Variants in TMEM132B observed in about 807,000 individuals in gnomAD.
The protein encoded by TMEM132B is transmembrane protein 132B.
Under a neutral mutation model 90.8 loss-of-function variants are expected in TMEM132B, and 18 were observed. That is an observed-to-expected ratio of 0.20 (90% CI 0.14 to 0.29). The LOEUF (loss-of-function observed/expected upper bound fraction) is 0.29, where lower values mean the gene tolerates loss of function less well. TMEM132B is among the 10% of genes least tolerant of loss of function. TMEM132B has a pLI of 1.00. For synonymous variants in TMEM132B, 504 were observed against 523.3 expected (o/e 0.96, Z 0.50); for missense variants, 1,096 against 1,326.8 (o/e 0.83, Z 2.70).
intron 1 of TMEM132B, among the ~76,000 whole-genome samples, chr12:125,340,317 A>G (rs1877137725): frequency 6.6e-6 from 1 of 152,130 alleles, no homozygotes; most frequent in Admixed American, 6.5e-5. Flanking sequence ...AAATCTTTCT[A>G]TTGTCTGAAT....
At chr12:125,413,228 T>C (rs1202038326) in intron 2 of TMEM132B, among the ~76,000 whole-genome samples, 1 of 152,158 alleles carries the variant, frequency 6.6e-6, no homozygotes, top group Non-Finnish European at 1.5e-5. Flanking sequence ...CCTTGGGTCT[T>C]ATAGGTGTTT....
At position 125,432,472 on chromosome 12, in the gene TMEM132B, T is replaced by C. The variant is rs1427767281; in HGVS notation, c.1106+16795T>C. Among the ~76,000 whole-genome samples, 67 of 94,036 alleles carry C rather than the reference T, an allele frequency of 7.1e-4. 21 individuals are homozygous for C. Among genetic ancestry groups the C allele is most frequent in the South Asian group, 2.6e-3 (8 of 3,108 alleles). The allele number at this position is 94,036 out of a possible 152,430, so 61.7% of individuals were successfully genotyped here. Reference sequence around the variant, plus strand: ...ATATATATGTATGTGTATATATATGTATGTGTATATATATGTATGTGTATA... The same window carrying C: ...ATATATATGTATGTGTATATATATGCATGTGTATATATATGTATGTGTATA... On this transcript the variant is annotated intron_variant, in intron 3 of 8. Transcript: ENST00000682704.
chr12:125,361,321 A>G (rs998562058), intron 2 of TMEM132B, among the ~76,000 whole-genome samples: 3 of 152,224 alleles, frequency 2.0e-5, no homozygotes, highest in Admixed American at 2.0e-4. Context: ...CAAGGGTCAC[A>G]CAGCCAGAAA....
chr12:125,429,057 T>G (rs903252931), intron 3 of TMEM132B, among the ~76,000 whole-genome samples: 2 of 152,218 alleles, frequency 1.3e-5, no homozygotes, highest in Admixed American at 6.5e-5. Context: ...ATTTCTTGTA[T>G]TAGCTTCCCA....
intron 4 of TMEM132B, among the ~76,000 whole-genome samples, chr12:125,546,693 G>A (rs1401832345): frequency 6.6e-6 from 1 of 152,140 alleles, no homozygotes; most frequent in East Asian, 1.9e-4. Context: ...CTAGTTGAAG[G>A]ACATTTGGGT....
intron 2 of TMEM132B, among the ~76,000 whole-genome samples, chr12:125,381,760 G>T (rs867941438): frequency 6.6e-6 from 1 of 152,172 alleles, no homozygotes; most frequent in Non-Finnish European, 1.5e-5. Flanking sequence ...GTGTGTTCAC[G>T]TAAATCAGGG....
intron 4 of TMEM132B, among the ~76,000 whole-genome samples, chr12:125,579,993 A>C (rs1017408061): frequency 2.0e-5 from 3 of 151,974 alleles, no homozygotes; most frequent in Admixed American, 6.5e-5. Context: ...TAATTCTGTA[A>C]AGTCTATAAA....
At chr12:125,501,310 A>T (rs969317120) in intron 3 of TMEM132B, among the ~76,000 whole-genome samples, 3 of 152,248 alleles carry the variant, frequency 2.0e-5, no homozygotes, top group African/African-American at 7.2e-5. Flanking sequence ...TTTGGGAAAT[A>T]CTTATATTAA....
At chr12:125,597,979 T>C (rs1199890468) in intron 5 of TMEM132B, among the ~76,000 whole-genome samples, 1 of 152,144 alleles carries the variant, frequency 6.6e-6, no homozygotes, top group Non-Finnish European at 1.5e-5. Context: ...TAATGAATCC[T>C]AAGGATTCAG....
chr12:125,219,827 A>C (rs1191201054), intron 1 of TMEM132B, among the ~76,000 whole-genome samples: 1 of 152,200 alleles, frequency 6.6e-6, no homozygotes, highest in African/African-American at 2.4e-5. Flanking sequence ...GCACCCTAGG[A>C]TCTGTGTATC....
intron 3 of TMEM132B, among the ~76,000 whole-genome samples, chr12:125,453,607 A>C (rs897041987): frequency 6.6e-6 from 1 of 152,138 alleles, no homozygotes; most frequent in African/African-American, 2.4e-5. Flanking sequence ...ATCACTGAAA[A>C]CCTTCTTTAG....
chr12:125,359,037 A>G (rs4765249), intron 2 of TMEM132B, among the ~76,000 whole-genome samples: 9,741 of 152,282 alleles, frequency 0.064, 403 homozygotes, highest in Admixed American at 0.14. Flanking sequence ...ACTTGCCAGC[A>G]TAATTTCACA....
chr12:125,512,403 C>G, intron 3 of TMEM132B, among the ~76,000 whole-genome samples: 1 of 152,168 alleles, frequency 6.6e-6, no homozygotes, highest in East Asian at 1.9e-4. Context: ...AATGATTAAG[C>G]AAAGTATGGC....
intron 3 of TMEM132B, 64 bp from the exon 4 acceptor site, chr12:125,519,375 C>T: frequency 6.8e-7 from 1 of 1,469,790 alleles, no homozygotes; most frequent in South Asian, 1.3e-5. Context: ...CAATTTATTA[C>T]ATTCTTGACA....
intron 3 of TMEM132B, among the ~76,000 whole-genome samples, chr12:125,487,345 A>G (rs539358749): frequency 6.6e-6 from 1 of 152,150 alleles, no homozygotes; most frequent in Non-Finnish European, 1.5e-5. Flanking sequence ...GACCTCTACT[A>G]TTATAGCTCG....
chr12:125,343,087 CT>C (rs1419980474), intron 1 of TMEM132B, among the ~76,000 whole-genome samples: 1 of 152,112 alleles, frequency 6.6e-6, no homozygotes, highest in Non-Finnish European at 1.5e-5. Context: ...TAGGAGCAAA[CT>C]GGGAATTTAC....
chr12:125,199,686 A>C (rs1189342598), intron 1 of TMEM132B, among the ~76,000 whole-genome samples: 1 of 152,188 alleles, frequency 6.6e-6, no homozygotes, highest in Admixed American at 6.5e-5. Flanking sequence ...TGTTCCATGA[A>C]GTACTTATGG....
chr12:125,589,248 C>G (rs1392191617), intron 5 of TMEM132B, among the ~76,000 whole-genome samples: 2 of 151,914 alleles, frequency 1.3e-5, no homozygotes, highest in African/African-American at 4.8e-5. Context: ...TTTGGGAGGC[C>G]AAGGCGGGCA....
chr12:125,384,029 C>G lies in TMEM132B; in HGVS notation c.960-31502C>G, dbSNP rs534674466. Among the ~76,000 whole-genome samples the G allele has an allele frequency of 1.2e-4, 18 of 152,286 alleles. 1 individual carries two copies. In the South Asian group the frequency reaches 3.7e-3, roughly 32 times the overall value. On this transcript the variant is annotated intron_variant, in intron 2 of 8. Coordinates refer to ENST00000682704, the MANE Select transcript of TMEM132B (RefSeq NM_001366854.1). The stretch of plus-strand genomic sequence containing the variant: ...TGGTGTGACCTCAGCTCATTGCAAC[C>G]TCTGCCTCCTGGGTTCAAGCGATTC...
Sources: gnomAD v4.1 joint callset for allele counts (sites outside exome capture counted in the v4.1 genomes callset) on GRCh38, gnomAD v4.1.1 for gene constraint, MANE v1.5 for transcripts, NCBI Gene and HGNC (gene_info 2026-07-23, HGNC 2026-07-21) for gene names.